Variants in SFXN1 observed in about 807,000 individuals in gnomAD.
The protein encoded by SFXN1 is sideroflexin-1.
A neutral mutation model predicts 39.5 loss-of-function variants in SFXN1; 32 were observed. That is an observed-to-expected ratio of 0.81 (90% confidence interval 0.61 to 1.09). SFXN1 has a LOEUF of 1.09. Ranked by LOEUF, SFXN1 falls within the 50% of genes least tolerant of loss-of-function variation. The pLI, the probability that SFXN1 is intolerant of heterozygous loss-of-function variation, is 0.00. For missense variants in SFXN1, 402 were observed against 407.1 expected, an observed-to-expected ratio of 0.99 and a Z score of 0.11; for synonymous variants, 136 against 146.5, an observed-to-expected ratio of 0.93 and a Z score of 0.52.
intron 2 of SFXN1, among the ~76,000 whole-genome samples, chr5:175,502,846 T>G (rs1760135534): frequency 6.7e-6 from 1 of 149,244 alleles, no homozygotes; most frequent in Non-Finnish European, 1.5e-5. Context: ...TATCTCAAAA[T>G]AATAATAATA....
chr5:175,479,003 T>A (rs1759133195), intron 1 of SFXN1, among the ~76,000 whole-genome samples: 2 of 152,198 alleles, frequency 1.3e-5, no homozygotes, highest in South Asian at 4.1e-4. Context: ...CCAAGATGGC[T>A]GCCTCGGGGG....
chr5:175,524,380 T>C (rs1277296137), intron 10 of SFXN1, among the ~76,000 whole-genome samples: 1 of 151,434 alleles, frequency 6.6e-6, no homozygotes, highest in Non-Finnish European at 1.5e-5. Flanking sequence ...GTGTCAGAAC[T>C]AAGATTCATC....
chr5:175,484,233 G>T (rs2113256817), intron 1 of SFXN1: 1 of 152,352 alleles, frequency 6.6e-6, no homozygotes, highest in African/African-American at 2.4e-5. Context: ...TCTGTAACGA[G>T]ATGTTTGATC....
rs1214652179 is a variant in SFXN1, at chr5:175,526,904, C to T, written c.*170C>T. 4.8e-6 allele frequency: 3 copies of T among 619,318 alleles called. No homozygotes were observed. The highest frequency in any genetic ancestry group is 3.9e-5 in the South Asian group (2 of 51,478). 38.4% of individuals were successfully genotyped at this position (619,318 alleles called of 1,614,324 possible). On this transcript the variant is annotated 3_prime_UTR_variant, in exon 11 of 11. Coordinates refer to ENST00000321442, the MANE Select transcript of SFXN1 (RefSeq NM_022754.7). The stretch of plus-strand genomic sequence containing the variant: ...ACTTTAACAGAGCACCTGGCGTGGG[C>T]CAAGTGCCTGATACTCCCTTACACT...
At chr5:175,503,926 C>CCCG (rs879560649) in intron 2 of SFXN1, among the ~76,000 whole-genome samples, 21,628 of 150,466 alleles carry the variant, frequency 0.14, 1,679 homozygotes, top group African/African-American at 0.2. Flanking sequence ...ATTGCTTGAA[C>CCCG]CTGGGAGGTA....
intron 4 of SFXN1, among the ~76,000 whole-genome samples, chr5:175,510,869 A>G (rs1277642077): frequency 2.0e-5 from 3 of 152,232 alleles, no homozygotes; most frequent in Non-Finnish European, 4.4e-5. Flanking sequence ...TACTATTGTT[A>G]TATGGAACAA....
chr5:175,526,753 G>C lies in SFXN1; in HGVS notation c.*19G>C. On this transcript the variant is annotated 3_prime_UTR_variant, in exon 11 of 11. Coordinates refer to ENST00000321442, the MANE Select transcript of SFXN1 (RefSeq NM_022754.7). ...ATTGTAAAGCAGGGAGGAAACCTCT[G>C]CAGCTCATTCTGCCACTGCAAAGCT... 5 of 1,597,504 alleles carry C rather than the reference G, an allele frequency of 3.1e-6. No individual in the cohort carries two copies. The highest frequency in any genetic ancestry group is 4.3e-6 in the Non-Finnish European group (5 of 1,165,148).
At position 175,513,523 on chromosome 5, in the gene SFXN1, G is replaced by A. The variant is rs369485721; in HGVS notation, c.657G>A (p.Ala219=). The A allele has an allele frequency of 4.3e-5, 69 of 1,613,864 alleles. No homozygotes were observed. The highest frequency in any genetic ancestry group is 3.5e-4 in the South Asian group (32 of 91,048). Residue 219 remains alanine (A), a synonymous_variant, in exon 7 of 11, where the codon GCG becomes GCA. Transcript: ENST00000321442. ...ATGGGAACCGCTTGGGGGAGTCGGC[G>A]AACGCTGCGAAACAAGCCATCACGC... ...DENGNRLGES[A]NAAKQAITQV...
intron 9 of SFXN1, 47 bp downstream of exon 9, chr5:175,522,015 A>G (rs755274839): frequency 6.7e-7 from 1 of 1,489,712 alleles, no homozygotes; most frequent in South Asian, 1.2e-5. Context: ...TAAAATATAA[A>G]TACACAGCGT....
intron 2 of SFXN1, among the ~76,000 whole-genome samples, chr5:175,492,973 G>A (rs1246640380): frequency 1.3e-5 from 2 of 152,100 alleles, no homozygotes; most frequent in Admixed American, 6.6e-5. Context: ...TGTAAAAACC[G>A]CTGGGCACGG....
intron 2 of SFXN1, among the ~76,000 whole-genome samples, chr5:175,506,362 A>T (rs112079873): frequency 0.011 from 1,649 of 151,860 alleles, 34 homozygotes; most frequent in African/African-American, 0.037. Flanking sequence ...ATAAATAACA[A>T]TGATGCTGCT....
intron 1 of SFXN1, among the ~76,000 whole-genome samples, chr5:175,487,793 G>A (rs566310449): frequency 2.4e-4 from 37 of 152,198 alleles, no homozygotes; most frequent in African/African-American, 6.3e-4. Flanking sequence ...CGCTTACTCC[G>A]TGCAAATCTG....
chr5:175,504,124 A>C (rs1239125646), intron 2 of SFXN1, among the ~76,000 whole-genome samples: 1 of 152,142 alleles, frequency 6.6e-6, no homozygotes, highest in Non-Finnish European at 1.5e-5. Flanking sequence ...TGGTAGTCAA[A>C]TTTGAGAAAG....
intron 2 of SFXN1, among the ~76,000 whole-genome samples, chr5:175,506,134 G>C (rs1487238145): frequency 6.6e-6 from 1 of 152,130 alleles, no homozygotes; most frequent in South Asian, 2.1e-4. Context: ...TTCATATTAA[G>C]ATAAATTCCA....
intron 8 of SFXN1, among the ~76,000 whole-genome samples, chr5:175,520,243 G>A (rs937560580): frequency 6.6e-6 from 1 of 151,838 alleles, no homozygotes; most frequent in Non-Finnish European, 1.5e-5. Flanking sequence ...ATATATTTAT[G>A]TATCTTTTAA....
intron 2 of SFXN1, among the ~76,000 whole-genome samples, chr5:175,499,364 C>T (rs549437983): frequency 5.3e-5 from 8 of 152,028 alleles, no homozygotes; most frequent in African/African-American, 1.9e-4. Flanking sequence ...GATGCAAAAC[C>T]AGAAAAAGGG....
At chr5:175,505,494 G>A (rs1760253766) in intron 2 of SFXN1, among the ~76,000 whole-genome samples, 1 of 150,674 alleles carries the variant, frequency 6.6e-6, no homozygotes, top group South Asian at 2.1e-4. Flanking sequence ...CCAAGATCAC[G>A]CCATTGCATT....
chr5:175,486,910 C>T (rs35956192), intron 1 of SFXN1, among the ~76,000 whole-genome samples: 5,761 of 152,162 alleles, frequency 0.038, 144 homozygotes, highest in South Asian at 0.12. Flanking sequence ...TCTATAAAAG[C>T]TACATATTAA....
chr5:175,494,698 G>C (rs1281631414), intron 2 of SFXN1, among the ~76,000 whole-genome samples: 1 of 151,392 alleles, frequency 6.6e-6, no homozygotes, highest in East Asian at 1.9e-4. Context: ...GTTGCAGTGA[G>C]CCGAGATCAT....
Sources: allele counts gnomAD v4.1 joint callset (sites outside exome capture counted in the v4.1 genomes callset), GRCh38; gene constraint gnomAD v4.1.1; transcripts MANE v1.5; gene names NCBI Gene and HGNC (gene_info 2026-07-23, HGNC 2026-07-21).